NYNRIN: variants seen among roughly 807,000 people sequenced by gnomAD.
The protein encoded by NYNRIN is protein NYNRIN.
Under a neutral mutation model 146.6 loss-of-function variants are expected in NYNRIN, and 86 were observed. The ratio of observed to expected loss-of-function variants is 0.59; its 90% CI spans 0.49 to 0.70. The LOEUF is 0.70. Among genes scored for constraint, NYNRIN ranks in the 30% least tolerant of loss-of-function variants. The probability of loss-of-function intolerance (pLI) is 0.00; values close to 1 mark genes in which losing one functional copy is unlikely to be tolerated. For missense variants in NYNRIN, 2,191 were observed against 2,377.7 expected, an observed-to-expected ratio of 0.92 and a Z score of 1.63; for synonymous variants, 1,027 against 1,001.3, an observed-to-expected ratio of 1.03 and a Z score of -0.48.
intron 8 of NYNRIN, among the ~76,000 whole-genome samples, chr14:24,414,082 AG>A (rs890972711): frequency 6.6e-6 from 1 of 152,172 alleles, no homozygotes; most frequent in African/African-American, 2.4e-5. Flanking sequence ...CCAGTTCCCT[AG>A]GCCCAGCAGG....
chr14:24,415,519 G>A lies in NYNRIN; in HGVS notation c.3770G>A (p.Arg1257Gln), dbSNP rs2042938853. The change falls in exon 9 of 9, where the codon CGA becomes CAA. Residue 1257 changes from arginine to glutamine, a missense_variant. Arg to Gln is a conservative substitution (Grantham distance 43, BLOSUM62 1). This residue lies in a region of NYNRIN where 1,291 missense variants were observed against 1,417.0 expected (regional missense o/e 0.91). Coordinates refer to ENST00000382554, the MANE Select transcript of NYNRIN (RefSeq NM_025081.3). The part of the protein sequence containing the change: ...GRRVSKAWLI[R>Q]WSLLVQDKGK... Reference sequence around the variant, plus strand: ...AGGGTTTCCAAAGCTTGGTTGATCCGATGGTCCCTCTTGGTTCAGGACAAA... The same window carrying A: ...AGGGTTTCCAAAGCTTGGTTGATCCAATGGTCCCTCTTGGTTCAGGACAAA... 6 of 1,613,850 alleles carry A rather than the reference G, an allele frequency of 3.7e-6. No individual in the cohort carries two copies. Among genetic ancestry groups the A allele is most frequent in the Non-Finnish European group, 5.1e-6 (6 of 1,179,834 alleles).
Position 24,399,318 on chromosome 14 carries a change from G to A in NYNRIN, c.72G>A (p.Val24=). The change falls in exon 2 of 9, where the codon GTG becomes GTA. Residue 24 remains valine, a synonymous_variant. Transcript: ENST00000382554. The part of the protein sequence containing the change: ...FMVQTKSKPR[V]QRQRLQVQRI... Reference sequence around the variant, plus strand: ...TGCAGACAAAATCGAAGCCTCGGGTGCAGCGGCAGCGGCTGCAAGTGCAGC... The same window carrying A: ...TGCAGACAAAATCGAAGCCTCGGGTACAGCGGCAGCGGCTGCAAGTGCAGC... The A allele has an allele frequency of 1.2e-6, 2 of 1,613,712 alleles. No individual in the cohort carries two copies. The highest frequency in any genetic ancestry group is 1.7e-6 in the Non-Finnish European group (2 of 1,179,818).
At position 24,411,244 on chromosome 14, in the gene NYNRIN, A is replaced by G; in HGVS notation, c.2545+38A>G. ...CTGCCTGCCCAGCCTCCACAGTGTC[A>G]CCAAGCTTTCTTCTCTCTGCCTTGC... On this transcript the variant is annotated intron_variant, in intron 5 of 8. Transcript: ENST00000382554. The surrounding 1 kb of genome is among the most constrained non-coding windows in gnomAD (Gnocchi z 4.3). 1 of 1,610,892 alleles carries G rather than the reference A, an allele frequency of 6.2e-7. No homozygotes were observed. Among genetic ancestry groups the G allele is most frequent in the Non-Finnish European group, 8.5e-7 (1 of 1,178,612 alleles).
In NYNRIN at chr14:24,417,040, G is replaced by A; in HGVS notation, c.5291G>A (p.Gly1764Asp). Residue 1764 changes from glycine (G) to aspartate (D), a missense_variant, in exon 9 of 9, where the codon GGT (glycine) becomes GAT (aspartate). Gly to Asp is a moderately conservative substitution (Grantham distance 94). This residue lies in a region of NYNRIN where 1,291 missense variants were observed against 1,417.0 expected (regional missense o/e 0.91). Transcript: ENST00000382554. ...DATPFKVLTG[G>D]ESRLTEPLWW... Reference sequence around the variant, plus strand: ...ACACCGTTCAAGGTCCTGACCGGGGGTGAGTCAAGGCTCACGGAGCCCCTG... The same window carrying A: ...ACACCGTTCAAGGTCCTGACCGGGGATGAGTCAAGGCTCACGGAGCCCCTG... 6.2e-7 allele frequency: 1 copy of A among 1,610,618 alleles called. No individual in the cohort carries two copies. Among genetic ancestry groups the A allele is most frequent in the African/African-American group, 1.3e-5 (1 of 74,986 alleles).
chr14:24,403,666 G>T (rs974569960), intron 2 of NYNRIN, among the ~76,000 whole-genome samples: 2 of 152,208 alleles, frequency 1.3e-5, no homozygotes, highest in African/African-American at 4.8e-5. Flanking sequence ...ATGTAGTCAA[G>T]AATTATTTGT....
Position 24,416,010 on chromosome 14 carries a change from C to T in NYNRIN, c.4261C>T (p.Leu1421Phe), listed in dbSNP as rs2042942692. 6.2e-7 allele frequency: 1 copy of T among 1,614,028 alleles called. No homozygotes were observed. Among genetic ancestry groups the T allele is most frequent in the Admixed American group, 1.7e-5 (1 of 60,034 alleles). Reference protein sequence around the residue: ...LSYIISLTSGLSSLPFIYRTS... With the variant: ...LSYIISLTSGFSSLPFIYRTS... ...CTACATTATATCCCTCACCTCTGGCCTCTCATCCCTTCCGTTTATCTACCG... is the reference window on the plus strand; with the variant it reads ...CTACATTATATCCCTCACCTCTGGCTTCTCATCCCTTCCGTTTATCTACCG... The change falls in exon 9 of 9, where the codon CTC (leucine) becomes TTC (phenylalanine). Residue 1421 changes from leucine (L) to phenylalanine (F), a missense_variant. Around this residue, in one of 3 missense-constraint regions of NYNRIN, gnomAD observed 1,291 missense variants for 1,417.0 expected, o/e 0.91. Coordinates refer to ENST00000382554, the MANE Select transcript of NYNRIN (RefSeq NM_025081.3).
intron 3 of NYNRIN, 39 bp downstream of exon 3, chr14:24,408,566 C>A: frequency 6.5e-7 from 1 of 1,537,926 alleles, no homozygotes; most frequent in Non-Finnish European, 8.7e-7. Flanking sequence ...TCTGATCCTA[C>A]CCCTGCTCCC....
chr14:24,411,178 G>A lies in NYNRIN; in HGVS notation c.2517G>A (p.Trp839Ter). ...AGGTCACTGTGTTTGTACCCACCTG[G>A]CAGCTGAAGAAGAACCGGAGGGTGA... is the stretch of plus-strand genomic sequence containing the variant. ...HREVTVFVPT[W>*]QLKKNRRVRE... is the part of the protein sequence containing the mutation. The change falls in exon 5 of 9, where the codon TGG becomes TGA. Residue 839 changes from tryptophan (W) to a stop codon, truncating the protein, a stop_gained. Transcript: ENST00000382554. LOFTEE classifies it high-confidence loss of function. This position sits in a 1 kb window ranked among gnomAD's most constrained non-coding sequence, Gnocchi z 4.3. 6.2e-7 allele frequency: 1 copy of A among 1,605,558 alleles called. No individual in the cohort carries two copies. The highest frequency in any genetic ancestry group is 8.5e-7 in the Non-Finnish European group (1 of 1,175,890).
chr14:24,405,317 G>A (rs570870959), intron 2 of NYNRIN, among the ~76,000 whole-genome samples: 5 of 152,286 alleles, frequency 3.3e-5, no homozygotes, highest in South Asian at 2.1e-4. Context: ...ACCTTGACAA[G>A]TACAGAATAA....
chr14:24,415,414 G>A lies in NYNRIN; in HGVS notation c.3665G>A (p.Cys1222Tyr). 1.2e-6 allele frequency: 2 copies of A among 1,613,994 alleles called. No individual in the cohort carries two copies. The highest frequency in any genetic ancestry group is 1.7e-6 in the Non-Finnish European group (2 of 1,179,888). ...TGGGCCCTCAAGCATTTTTCCCGCT[G>A]CATTGGAGACACCCCGGTGGTCCTG... ...VAWALKHFSR[C>Y]IGDTPVVLDL... The change falls in exon 9 of 9, where the codon TGC (cysteine) becomes TAC (tyrosine). Residue 1222 changes from cysteine to tyrosine, a missense_variant. Transcript: ENST00000382554.
Position 24,417,448 on chromosome 14 carries a change from C to CG in NYNRIN, c.*5dup. ...TCCTTCAAGGTCTTGGAGCAGTGAG[C>CG]GGGAGCAGCGGGGGTGCCCCCTGCC... On this transcript the variant is annotated 3_prime_UTR_variant, in exon 9 of 9. Coordinates refer to ENST00000382554, the MANE Select transcript of NYNRIN (RefSeq NM_025081.3). 6.8e-7 allele frequency: 1 copy of CG among 1,465,458 alleles called. No individual in the cohort carries two copies. Among genetic ancestry groups the CG allele is most frequent in the Non-Finnish European group, 9.0e-7 (1 of 1,107,950 alleles). 90.8% of individuals were successfully genotyped at this position (1,465,458 alleles called of 1,614,324 possible).
chr14:24,416,100 G>A lies in NYNRIN; in HGVS notation c.4351G>A (p.Gly1451Arg), dbSNP rs2042943305. 1.2e-6 allele frequency: 2 copies of A among 1,613,874 alleles called. No homozygotes were observed. Among genetic ancestry groups the A allele is most frequent in the African/African-American group, 1.3e-5 (1 of 74,926 alleles). ...CACCCTGGCCAAGCAGGGTGCCCAG[G>A]GGGGTGGGCAGTGGTGGAGTTTGCC... ...VDTLAKQGAQ[G>R]GGQWWSLPKD... Residue 1451 changes from glycine (G) to arginine (R), a missense_variant, in exon 9 of 9, where the codon GGG becomes AGG. Gly to Arg is a moderately radical substitution (Grantham distance 125). Around this residue, in one of 3 missense-constraint regions of NYNRIN, gnomAD observed 1,291 missense variants for 1,417.0 expected, o/e 0.91. Transcript: ENST00000382554.
chr14:24,404,947 C>G (rs1017320289), intron 2 of NYNRIN, among the ~76,000 whole-genome samples: 2 of 151,872 alleles, frequency 1.3e-5, no homozygotes, highest in Non-Finnish European at 2.9e-5. Flanking sequence ...TTGTTTTGTA[C>G]TCCCTGGAGA....
At chr14:24,402,771 G>A (rs1421909592) in intron 2 of NYNRIN, among the ~76,000 whole-genome samples, 1 of 152,118 alleles carries the variant, frequency 6.6e-6, no homozygotes, top group Non-Finnish European at 1.5e-5. Flanking sequence ...TGCTTGTGTT[G>A]TGGGCACTGA....
Position 24,410,094 on chromosome 14 carries a change from G to A in NYNRIN, c.2300G>A (p.Ser767Asn). 1 of 1,613,992 alleles carries A rather than the reference G, an allele frequency of 6.2e-7. No individual in the cohort carries two copies. The highest frequency in any genetic ancestry group is 8.5e-7 in the Non-Finnish European group (1 of 1,179,906). ...CTGCAAGCGAACAGCACAGTGACCA[G>A]CTTCCAGAGGTACCACGAGGCCCTG... ...RHLQANSTVT[S>N]FQRYHEALNT... Residue 767 changes from serine to asparagine, a missense_variant, in exon 4 of 9, where the codon AGC becomes AAC. Transcript: ENST00000382554.
In NYNRIN at chr14:24,408,981, C is replaced by G. The variant is rs781246698; in HGVS notation, c.1187C>G (p.Pro396Arg). ...TTCAATTTCCCCTTCTGGCAGAGACCTCTGGGCCCCATTCAGTTGAAGCTG... is the reference window on the plus strand; with the variant it reads ...TTCAATTTCCCCTTCTGGCAGAGACGTCTGGGCCCCATTCAGTTGAAGCTG... ...ACFNFPFWQR[P>R]LGPIQLKLPG... Residue 396 changes from proline to arginine, a missense_variant, in exon 4 of 9, where the codon CCT (proline) becomes CGT (arginine). Coordinates refer to ENST00000382554, the MANE Select transcript of NYNRIN (RefSeq NM_025081.3). 6.2e-7 allele frequency: 1 copy of G among 1,613,886 alleles called. No homozygotes were observed. Among genetic ancestry groups the G allele is most frequent in the Non-Finnish European group, 8.5e-7 (1 of 1,179,852 alleles).
intron 2 of NYNRIN, among the ~76,000 whole-genome samples, chr14:24,405,314 C>G (rs1224163686): frequency 6.6e-6 from 1 of 152,122 alleles, no homozygotes; most frequent in African/African-American, 2.4e-5. Context: ...AGCACCTTGA[C>G]AAGTACAGAA....
rs2139338938 is a variant in NYNRIN at position 24,399,092 on chromosome 14, T to G, written c.-18+6T>G. On this transcript the variant is annotated splice_donor_region_variant and intron_variant, in intron 1 of 8. Coordinates refer to ENST00000382554, the MANE Select transcript of NYNRIN (RefSeq NM_025081.3). ...GGGCGCCCGAGCCGTGCGGGGTGGG[T>G]CCCGCCGCCTGGAGGAAGGAGGCCG... 1.5e-6 allele frequency: 1 copy of G among 677,650 alleles called. No homozygotes were observed. The highest frequency in any genetic ancestry group is 2.4e-6 in the Non-Finnish European group (1 of 421,628). 42.0% of individuals were successfully genotyped at this position (677,650 alleles called of 1,614,324 possible).
In NYNRIN at chr14:24,408,487, G is replaced by C. The variant is rs557985460; in HGVS notation, c.817G>C (p.Ala273Pro). ...SLGATGSLITAQSTPQEAANQ... is the reference protein window; with the variant it reads ...SLGATGSLITPQSTPQEAANQ... ...GGGAGCCACTGGGTCCCTGATCACA[G>C]CCCAGAGCACACCGCAGGAGGCAGC... is the stretch of plus-strand genomic sequence containing the variant. Residue 273 changes from alanine (A) to proline (P), a missense_variant, in exon 3 of 9, where the codon GCC becomes CCC. Physicochemically the swap from Ala to Pro is conservative, Grantham distance 27. Around this residue, in one of 3 missense-constraint regions of NYNRIN, gnomAD observed 895 missense variants for 941.2 expected, o/e 0.95. Transcript: ENST00000382554. 2 of 1,602,538 alleles carry C rather than the reference G, an allele frequency of 1.2e-6. No individual in the cohort carries two copies. The highest frequency in any genetic ancestry group is 1.3e-5 in the African/African-American group (1 of 74,550).
Sources: gnomAD v4.1 joint callset for allele counts (sites outside exome capture counted in the v4.1 genomes callset) on GRCh38, gnomAD v4.1.1 for gene constraint, gnomAD v4.1.1 regional missense constraint, Gnocchi (gnomAD v3.1) non-coding constraint, MANE v1.5 for transcripts, NCBI Gene and HGNC (gene_info 2026-07-23, HGNC 2026-07-21) for gene names.